Variants in ZFHX3 observed in about 807,000 individuals in gnomAD.
The protein encoded by ZFHX3 is zinc finger homeobox 3.
A neutral mutation model predicts 279.1 loss-of-function variants in ZFHX3; 42 were observed. The ratio of observed to expected loss-of-function variants is 0.15; its 90% CI spans 0.12 to 0.19. ZFHX3 has a LOEUF of 0.19. Ranked by LOEUF, ZFHX3 falls within the 10% of genes least tolerant of loss-of-function variation. The pLI is 1.00. For missense variants in ZFHX3, 4,981 were observed against 4,754.0 expected (o/e 1.05, Z -1.40); for synonymous variants, 2,293 against 1,957.8 (o/e 1.17, Z -4.52).
chr16:73,746,644 A>G (rs1226223469), intron 1 of ZFHX3, among the ~76,000 whole-genome samples: 1 of 152,178 alleles, frequency 6.6e-6, no homozygotes, highest in African/African-American at 2.4e-5. Flanking sequence ...AAATATCAAA[A>G]CAATGGAGCT....
rs559491211 is a variant in ZFHX3, at chr16:72,871,946, G to A, written c.3448+17785C>T. 6.0e-4 allele frequency among the ~76,000 whole-genome samples: 92 copies of A among 152,208 alleles called. 1 individual carries two copies. The South Asian group carries it at 0.016, about 26-fold the overall frequency. On this transcript the variant is annotated intron_variant, in intron 4 of 9. Coordinates refer to ENST00000268489, the MANE Select transcript of ZFHX3 (RefSeq NM_006885.4). ...TAAAAATACAGAAAATTAGCCAGGCGTGCTGGTGGGCGCCTGTAGTCCCAG... is the reference window on the plus strand; with the variant it reads ...TAAAAATACAGAAAATTAGCCAGGCATGCTGGTGGGCGCCTGTAGTCCCAG...
intron 1 of ZFHX3, among the ~76,000 whole-genome samples, chr16:73,832,054 CCA>C (rs1488304315): frequency 1.3e-5 from 2 of 152,136 alleles, no homozygotes; most frequent in African/African-American, 4.8e-5. Context: ...GCACATGCCA[CCA>C]CACCCGGCTA....
intron 2 of ZFHX3, among the ~76,000 whole-genome samples, chr16:73,599,966 G>A (rs563471059): frequency 6.6e-6 from 1 of 152,272 alleles, no homozygotes; most frequent in African/African-American, 2.4e-5. Flanking sequence ...TGATGGTGAT[G>A]GCTCTTGTCT....
At chr16:73,040,885 C>A (rs775123730) in intron 1 of ZFHX3, among the ~76,000 whole-genome samples, 1 of 152,154 alleles carries the variant, frequency 6.6e-6, no homozygotes, top group South Asian at 2.1e-4. Context: ...ATTTTACAGA[C>A]GAAAGAAGTG....
chr16:72,902,183 G>C (rs2039054321), intron 3 of ZFHX3, among the ~76,000 whole-genome samples: 1 of 152,216 alleles, frequency 6.6e-6, no homozygotes, highest in African/African-American at 2.4e-5. Flanking sequence ...ATTGCTCCAA[G>C]ATGTCAGCCT....
At chr16:73,502,712 C>T (rs189237038) in intron 2 of ZFHX3, among the ~76,000 whole-genome samples, 409 of 152,298 alleles carry the variant, frequency 2.7e-3, no homozygotes, top group Non-Finnish European at 3.7e-3. Context: ...ATATCAGCCG[C>T]TGAAAGAGTG....
intron 3 of ZFHX3, among the ~76,000 whole-genome samples, chr16:73,350,123 A>G (rs1248331732): frequency 6.6e-6 from 1 of 152,100 alleles, no homozygotes; most frequent in East Asian, 1.9e-4. Context: ...GAGGATGCTG[A>G]GTCTTCATCA....
chr16:73,599,396 G>A (rs1306843143), intron 2 of ZFHX3, among the ~76,000 whole-genome samples: 3 of 152,220 alleles, frequency 2.0e-5, no homozygotes, highest in Admixed American at 6.5e-5. Flanking sequence ...GCAAGGTCTG[G>A]TGCAAAATGA....
chr16:72,950,872 T>G lies in ZFHX3; in HGVS notation c.2813A>C (p.Asn938Thr). 6.2e-7 allele frequency: 1 copy of G among 1,614,088 alleles called. No homozygotes were observed. The highest frequency in any genetic ancestry group is 8.5e-7 in the Non-Finnish European group (1 of 1,180,036). The change falls in exon 3 of 10, where the codon AAC (asparagine) becomes ACC (threonine). Residue 938 changes from asparagine to threonine, a missense_variant. Transcript: ENST00000268489. Reference sequence around the variant, plus strand: ...CTGGAAGAGCTTCAGCGACGGGTCGTTGGTCTGGATGAAGCTCTCGCCCAG... The same window carrying G: ...CTGGAAGAGCTTCAGCGACGGGTCGGTGGTCTGGATGAAGCTCTCGCCCAG... ...MNLGESFIQT[N>T]DPSLKLFQCA...
chr16:73,069,679 C>G (rs576644115), intron 8 of ZFHX3, among the ~76,000 whole-genome samples: 13 of 152,278 alleles, frequency 8.5e-5, no homozygotes, highest in Admixed American at 3.9e-4. Flanking sequence ...ACTAAGGTGA[C>G]CAACTGGTCC....
In ZFHX3 at chr16:73,657,168, A is replaced by G. The variant is rs568889250; in HGVS notation, c.-1547+23012T>C. ...GGTAGAATTCACCCATTTAAAATGT[A>G]CAATTTGGCTGGGTGTAGTGGCTCA... On this transcript the variant is annotated intron_variant, in intron 2 of 17. Coordinates refer to the ZFHX3 transcript ENST00000641206. 5.9e-5 allele frequency among the ~76,000 whole-genome samples: 9 copies of G among 152,342 alleles called. No individual in the cohort carries two copies. In the East Asian group the frequency reaches 1.7e-3, roughly 29 times the overall value.
At chr16:73,351,103 C>G (rs1020281377) in intron 3 of ZFHX3, among the ~76,000 whole-genome samples, 1 of 152,162 alleles carries the variant, frequency 6.6e-6, no homozygotes, top group African/African-American at 2.4e-5. Flanking sequence ...ACAGTAATCA[C>G]CAGGTAACCA....
At chr16:73,617,494 T>A (rs2143896063) in intron 2 of ZFHX3, among the ~76,000 whole-genome samples, 1 of 152,280 alleles carries the variant, frequency 6.6e-6, no homozygotes, top group East Asian at 1.9e-4. Flanking sequence ...CAAAACAAAA[T>A]CAAGAAAACT....
chr16:73,707,395 T>TG (rs2053314787), intron 1 of ZFHX3, among the ~76,000 whole-genome samples: 1 of 152,074 alleles, frequency 6.6e-6, no homozygotes, highest in East Asian at 1.9e-4. Flanking sequence ...AAGCAAGTTG[T>TG]GGATGGAGAC....
At chr16:72,798,929 G>A (rs368735713) in intron 8 of ZFHX3, among the ~76,000 whole-genome samples, 11 of 152,222 alleles carry the variant, frequency 7.2e-5, no homozygotes, top group African/African-American at 2.7e-4. Context: ...CACATGAACA[G>A]AGATGGATAA....
chr16:73,863,003 G>GAGTTCA (rs1961922167), intron 1 of ZFHX3, among the ~76,000 whole-genome samples: 1 of 10,990 alleles, frequency 9.1e-5, no homozygotes, highest in Non-Finnish European at 1.4e-4. Context: ...AGAAGGTCAG[G>GAGTTCA]AGACCAGCCT....
intron 5 of ZFHX3, among the ~76,000 whole-genome samples, chr16:73,183,688 G>C (rs931439507): frequency 2.6e-5 from 4 of 152,182 alleles, no homozygotes; most frequent in African/African-American, 9.6e-5. Context: ...AGGAAGTTAT[G>C]TTTATAGCTG....
At chr16:73,787,091 T>G (rs902403910) in intron 1 of ZFHX3, among the ~76,000 whole-genome samples, 1 of 152,226 alleles carries the variant, frequency 6.6e-6, no homozygotes, top group Non-Finnish European at 1.5e-5. Context: ...TTTTCATACT[T>G]TAACTGTCAT....
At chr16:73,446,972 A>G (rs1241967205) in intron 3 of ZFHX3, among the ~76,000 whole-genome samples, 1 of 152,096 alleles carries the variant, frequency 6.6e-6, no homozygotes. Context: ...TGAGGTCAGG[A>G]GATCGAGACC....
Sources: allele counts gnomAD v4.1 joint callset (sites outside exome capture counted in the v4.1 genomes callset), GRCh38; gene constraint gnomAD v4.1.1; transcripts MANE v1.5; gene names NCBI Gene and HGNC (gene_info 2026-07-23, HGNC 2026-07-21).